Variants in PCDH7 observed in about 807,000 individuals in gnomAD.
PCDH7 encodes the protein protocadherin-7.
Under a neutral mutation model 58.9 loss-of-function variants are expected in PCDH7, and 17 were observed. That is an observed-to-expected ratio of 0.29 (90% CI 0.20 to 0.43). PCDH7 has a LOEUF of 0.43. Among genes scored for constraint, PCDH7 ranks in the 20% least tolerant of loss-of-function variants. PCDH7 has a pLI of 1.00. For missense variants in PCDH7, 1,274 were observed against 1,441.0 expected (o/e 0.88, Z 1.88); for synonymous variants, 664 against 616.4 (o/e 1.08, Z -1.14).
chr4:31,069,136 G>A (rs900886620), intron 3 of PCDH7, among the ~76,000 whole-genome samples: 20 of 151,916 alleles, frequency 1.3e-4, no homozygotes, highest in Admixed American at 3.3e-4. Flanking sequence ...CCTTTAAAAC[G>A]CATTATAGTT....
intron 1 of PCDH7, among the ~76,000 whole-genome samples, chr4:30,745,795 C>T (rs1312404683): frequency 2.0e-5 from 3 of 151,264 alleles, no homozygotes; most frequent in South Asian, 2.1e-4. Flanking sequence ...TGTGTGTGTG[C>T]GTGCATGCAC....
intron 3 of PCDH7, among the ~76,000 whole-genome samples, chr4:31,026,459 C>T (rs1754439882): frequency 6.6e-6 from 1 of 152,050 alleles, no homozygotes; most frequent in Admixed American, 6.6e-5. Flanking sequence ...AACACGTGTT[C>T]GTAGTTTTAT....
Position 30,935,731 on chromosome 4 carries a change from C to T in PCDH7, c.288-14389C>T, listed in dbSNP as rs191323013. ...GAGCAAAACCTTGTAAAGATTATCA[C>T]CGATCACAGAGTGTGGATAGAATCT... On this transcript the variant is annotated intron_variant, in intron 2 of 3. Coordinates refer to the PCDH7 transcript ENST00000509759. Among the ~76,000 whole-genome samples the T allele has an allele frequency of 3.3e-3, 500 of 152,232 alleles. 1 individual carries two copies. The highest frequency in any genetic ancestry group is 5.3e-3 in the Non-Finnish European group (358 of 67,980).
intron 1 of PCDH7, among the ~76,000 whole-genome samples, chr4:30,879,506 T>C (rs1195251408): frequency 6.6e-6 from 1 of 152,140 alleles, no homozygotes; most frequent in African/African-American, 2.4e-5. Flanking sequence ...GACAGTATCC[T>C]TGAAACTTTA....
chr4:30,941,635 A>C (rs1441141325), intron 2 of PCDH7, among the ~76,000 whole-genome samples: 1 of 152,072 alleles, frequency 6.6e-6, no homozygotes. Context: ...TGGTTGAATA[A>C]GGGTATTTTA....
At chr4:30,981,391 G>T (rs182626549) in intron 3 of PCDH7, among the ~76,000 whole-genome samples, 8 of 152,234 alleles carry the variant, frequency 5.3e-5, no homozygotes. Flanking sequence ...TTCATATTTG[G>T]ATGCCGAGAT....
intron 1 of PCDH7, among the ~76,000 whole-genome samples, chr4:30,860,767 C>G (rs1210470044): frequency 6.6e-6 from 1 of 151,934 alleles, no homozygotes; most frequent in Admixed American, 6.6e-5. Flanking sequence ...TTAATCTTTC[C>G]AAATTTAACA....
intron 3 of PCDH7, among the ~76,000 whole-genome samples, chr4:30,972,538 G>A (rs947427517): frequency 2.6e-5 from 4 of 152,188 alleles, no homozygotes; most frequent in Admixed American, 6.5e-5. Flanking sequence ...TACACTAAAC[G>A]GTCTTCCAGT....
intron 3 of PCDH7, among the ~76,000 whole-genome samples, chr4:30,975,143 T>TGTGTG (rs1749955705): frequency 7.9e-5 from 11 of 138,764 alleles, no homozygotes; most frequent in Admixed American, 2.2e-4. Context: ...TTCCCTTTCA[T>TGTGTG]TGTGTGTGTG....
chr4:30,795,951 A>G (rs553370144), intron 1 of PCDH7, among the ~76,000 whole-genome samples: 2 of 152,338 alleles, frequency 1.3e-5, no homozygotes, highest in South Asian at 4.1e-4. Context: ...CCGAAAAAAT[A>G]TGTAACAAGT....
At chr4:30,894,578 C>T (rs867761044) in intron 1 of PCDH7, among the ~76,000 whole-genome samples, 2 of 92,482 alleles carry the variant, frequency 2.2e-5, no homozygotes, top group African/African-American at 4.2e-5. Context: ...TATACACACA[C>T]ATATATACAC....
chr4:30,741,194 G>T (rs534777231), intron 1 of PCDH7, among the ~76,000 whole-genome samples: 1 of 151,828 alleles, frequency 6.6e-6, no homozygotes, highest in Non-Finnish European at 1.5e-5. Flanking sequence ...TTAACTATGC[G>T]AGGCTGTTTC....
At chr4:30,815,647 T>G (rs959777512) in intron 1 of PCDH7, among the ~76,000 whole-genome samples, 2 of 152,210 alleles carry the variant, frequency 1.3e-5, no homozygotes, top group Non-Finnish European at 2.9e-5. Context: ...CATTACCAGT[T>G]GAGCGTTCCT....
chr4:31,040,163 C>G (rs1476332748), intron 3 of PCDH7, among the ~76,000 whole-genome samples: 1 of 152,182 alleles, frequency 6.6e-6, no homozygotes, highest in East Asian at 1.9e-4. Context: ...GTCTTGACAA[C>G]TCTGTATACC....
downstream of PCDH7, among the ~76,000 whole-genome samples, chr4:30,736,384 G>A (rs1716261328): frequency 6.6e-6 from 1 of 152,042 alleles, no homozygotes; most frequent in African/African-American, 2.4e-5. Flanking sequence ...AAGATTAAAT[G>A]GAATTAAAAC....
chr4:30,958,822 T>G (rs1485171849), intron 3 of PCDH7, among the ~76,000 whole-genome samples: 1 of 152,006 alleles, frequency 6.6e-6, no homozygotes, highest in Non-Finnish European at 1.5e-5. Context: ...CAAAATCAAA[T>G]TATCTTATTA....
chr4:30,888,039 C>A (rs968600188), intron 1 of PCDH7, among the ~76,000 whole-genome samples: 1 of 151,978 alleles, frequency 6.6e-6, no homozygotes, highest in African/African-American at 2.4e-5. Flanking sequence ...CCAAGCCCGA[C>A]TAATTTTTGT....
At chr4:30,820,440 C>G (rs1301267681) in intron 1 of PCDH7, among the ~76,000 whole-genome samples, 1 of 152,086 alleles carries the variant, frequency 6.6e-6, no homozygotes, top group Non-Finnish European at 1.5e-5. Flanking sequence ...TCTGATTGGA[C>G]AAGGAGTTGC....
At chr4:30,895,246 A>G (rs1227929156) in intron 1 of PCDH7, among the ~76,000 whole-genome samples, 1 of 151,952 alleles carries the variant, frequency 6.6e-6, no homozygotes, top group Non-Finnish European at 1.5e-5. Flanking sequence ...TTAATCAGGA[A>G]AACAGGCAGC....
Sources: gnomAD v4.1 joint callset for allele counts (sites outside exome capture counted in the v4.1 genomes callset) on GRCh38, gnomAD v4.1.1 for gene constraint, MANE v1.5 for transcripts, NCBI Gene and HGNC (gene_info 2026-07-23, HGNC 2026-07-21) for gene names.